Variants in FBXO34 observed in about 807,000 individuals in gnomAD.
FBXO34 encodes the protein F-box only protein 34.
A neutral mutation model predicts 24.5 loss-of-function variants in FBXO34; 12 were observed. The observed-to-expected ratio is 0.49, with a 90% CI of 0.31 to 0.79. FBXO34 has a LOEUF of 0.79. Ranked by LOEUF, FBXO34 falls within the 30% of genes least tolerant of loss-of-function variation. FBXO34 has a pLI of 0.04. For missense variants in FBXO34, 823 were observed against 857.7 expected (o/e 0.96, Z 0.51); for synonymous variants, 320 against 311.9 (o/e 1.03, Z -0.27).
At chr14:55,300,678 TTC>T (rs200015561) in intron 1 of FBXO34, among the ~76,000 whole-genome samples, 2,998 of 152,338 alleles carry the variant, frequency 0.02, 74 homozygotes, top group African/African-American at 0.068. Context: ...GTTCAACACG[TTC>T]TTATGTCCTG....
the FBXO34 span, among the ~76,000 whole-genome samples, chr14:55,438,094 C>T: frequency 7.9e-5 from 12 of 152,268 alleles, no homozygotes; most frequent in East Asian, 7.7e-4. Context: ...ACTCAAGTTA[C>T]GGGCCTGGAC....
chr14:55,395,011 G>A, the FBXO34 span: 5 of 466,484 alleles, frequency 1.1e-5, no homozygotes, highest in Admixed American at 7.1e-5. Flanking sequence ...GTTTTCTGCA[G>A]GTAAATCTTC....
the FBXO34 span, among the ~76,000 whole-genome samples, chr14:55,422,070 G>A: frequency 6.6e-6 from 1 of 152,116 alleles, no homozygotes; most frequent in Admixed American, 6.6e-5. Context: ...TAAGATAAAG[G>A]CAATAGGATT....
chr14:55,390,183 G>A, the FBXO34 span, among the ~76,000 whole-genome samples: 1 of 152,098 alleles, frequency 6.6e-6, no homozygotes, highest in African/African-American at 2.4e-5. Flanking sequence ...CAAGTCTCCT[G>A]CCTCAGCCTC....
At chr14:55,442,357 C>A in the FBXO34 span, among the ~76,000 whole-genome samples, 1 of 150,174 alleles carries the variant, frequency 6.7e-6, no homozygotes, top group Non-Finnish European at 1.5e-5. Flanking sequence ...TCACTGCACT[C>A]CACCCTGGGC....
the FBXO34 span, chr14:55,411,842 C>A: frequency 1.3e-6 from 2 of 1,563,180 alleles, no homozygotes; most frequent in Non-Finnish European, 1.7e-6. Flanking sequence ...AGAGGAGAGC[C>A]AGTCACGTGG....
At chr14:55,323,193 A>AT in intron 1 of FBXO34, among the ~76,000 whole-genome samples, 1 of 34,872 alleles carries the variant, frequency 2.9e-5, no homozygotes, top group Non-Finnish European at 4.2e-5. Flanking sequence ...TCAAAAAAAA[A>AT]AAAAAAAAAA....
intron 1 of FBXO34, among the ~76,000 whole-genome samples, chr14:55,327,886 A>G (rs1299144436): frequency 9.0e-6 from 1 of 110,766 alleles, no homozygotes; most frequent in Non-Finnish European, 1.9e-5. Context: ...ACCTCGTCAT[A>G]TGATTTTCTT....
At chr14:55,301,402 A>T (rs1405956729) in intron 1 of FBXO34, among the ~76,000 whole-genome samples, 2 of 151,744 alleles carry the variant, frequency 1.3e-5, no homozygotes, top group East Asian at 1.9e-4. Context: ...GTGCCACTGC[A>T]CTCTAGCCTG....
chr14:55,313,661 A>C (rs1252399906), intron 1 of FBXO34, among the ~76,000 whole-genome samples: 2 of 152,194 alleles, frequency 1.3e-5, no homozygotes, highest in Non-Finnish European at 2.9e-5. Context: ...GAAGAAGCAG[A>C]CACCTTCTTC....
rs1289017049 is a variant in FBXO34, at chr14:55,352,546, A to G, written c.*20A>G. On this transcript the variant is annotated 3_prime_UTR_variant, in exon 2 of 2. Transcript: ENST00000313833. ...TACTAAAGTCCATGTGAGAGGCAAC[A>G]AAAGGACCGGTTTCTAAAGCTGCAA... 6.4e-7 allele frequency: 1 copy of G among 1,565,260 alleles called. No homozygotes were observed. The highest frequency in any genetic ancestry group is 1.2e-5 in the South Asian group (1 of 82,288).
chr14:55,377,770 A>G, the FBXO34 span: 1 of 1,387,790 alleles, frequency 7.2e-7, no homozygotes, highest in Admixed American at 2.2e-5. Context: ...CAACTCCTCT[A>G]ACAGGATTCA....
At position 55,351,136 on chromosome 14, in the gene FBXO34, C is replaced by T. The variant is rs778987923; in HGVS notation, c.746C>T (p.Ser249Phe). 3.1e-6 allele frequency: 5 copies of T among 1,614,216 alleles called. No individual in the cohort carries two copies. The highest frequency in any genetic ancestry group is 4.2e-6 in the Non-Finnish European group (5 of 1,180,048). Residue 249 changes from serine to phenylalanine, a missense_variant, in exon 2 of 2, where the codon TCT becomes TTT. Physicochemically the swap from Ser to Phe is radical, Grantham distance 155. Around this residue, in one of 2 missense-constraint regions of FBXO34, gnomAD observed 693 missense variants for 659.1 expected, o/e 1.05. Coordinates refer to ENST00000313833, the MANE Select transcript of FBXO34 (RefSeq NM_017943.4). ...CAATCCAGAGGTGTGCCTGCAGTGT[C>T]TGAGTCCTATTCTGCCCCAGGAGCT... is the stretch of plus-strand genomic sequence containing the variant. ...SGQSRGVPAV[S>F]ESYSAPGACE...
At chr14:55,364,919 A>T (rs185193026), downstream of FBXO34, among the ~76,000 whole-genome samples, 1 of 151,796 alleles carries the variant, frequency 6.6e-6, no homozygotes, top group Non-Finnish European at 1.5e-5. Context: ...CAATTTTTGT[A>T]GAAATGGGGT....
chr14:55,294,677 T>G (rs1390763544), intron 1 of FBXO34, among the ~76,000 whole-genome samples: 1 of 152,214 alleles, frequency 6.6e-6, no homozygotes, highest in East Asian at 1.9e-4. Context: ...AATTTTAAAA[T>G]TTTGCTTTTG....
intron 1 of FBXO34, among the ~76,000 whole-genome samples, chr14:55,295,349 TTCTATA>T (rs1303199050): frequency 2.0e-5 from 3 of 152,040 alleles, no homozygotes; most frequent in Non-Finnish European, 4.4e-5. Context: ...ATATTATCTA[TTCTATA>T]TAATGGCTCT....
intron 1 of FBXO34, among the ~76,000 whole-genome samples, chr14:55,274,808 TCTTTA>T (rs749537736): frequency 7.9e-5 from 12 of 152,236 alleles, no homozygotes; most frequent in Non-Finnish European, 1.2e-4. Context: ...AACATACTTA[TCTTTA>T]GAGACATCAT....
At chr14:55,364,859 C>G (rs1173867671), downstream of FBXO34, among the ~76,000 whole-genome samples, 2 of 151,536 alleles carry the variant, frequency 1.3e-5, no homozygotes, top group Admixed American at 1.3e-4. Context: ...AGCTCAACCT[C>G]CTGAGTACCT....
intron 1 of FBXO34, among the ~76,000 whole-genome samples, chr14:55,348,551 A>T (rs1284917235): frequency 5.9e-5 from 9 of 151,988 alleles, no homozygotes; most frequent in Non-Finnish European, 1.3e-4. Flanking sequence ...AACTGTTTTC[A>T]GATACCAGTT....
Sources: allele counts gnomAD v4.1 joint callset (sites outside exome capture counted in the v4.1 genomes callset), GRCh38; gene constraint gnomAD v4.1.1; regional missense constraint gnomAD v4.1.1; transcripts MANE v1.5; gene names NCBI Gene and HGNC (gene_info 2026-07-23, HGNC 2026-07-21).